The following XRCC4 variants were observed in gnomAD, a reference collection of about 807,000 sequenced individuals.
XRCC4 encodes the protein DNA repair protein XRCC4.
In XRCC4, 28 loss-of-function variants were observed where a neutral mutation model predicts 39.1. The observed-to-expected ratio is 0.72, with a 90% CI of 0.53 to 0.98. The LOEUF is 0.98. XRCC4 is among the 50% of genes least tolerant of loss of function. XRCC4 has a pLI of 0.00. For missense variants in XRCC4, 350 were observed against 376.4 expected, an observed-to-expected ratio of 0.93 and a Z score of 0.58; for synonymous variants, 123 against 126.4, an observed-to-expected ratio of 0.97 and a Z score of 0.18.
intron 6 of XRCC4, among the ~76,000 whole-genome samples, chr5:83,240,603 C>T (rs1752870646): frequency 6.6e-6 from 1 of 152,050 alleles, no homozygotes; most frequent in Admixed American, 6.6e-5. Context: ...ACATATTGAA[C>T]TCTTACTTTG....
chr5:83,209,866 T>C (rs1410706317), intron 6 of XRCC4, among the ~76,000 whole-genome samples: 2 of 152,104 alleles, frequency 1.3e-5, no homozygotes, highest in African/African-American at 2.4e-5. Context: ...AAAACAAATA[T>C]AATAAGCTTT....
chr5:83,356,794 CT>C (rs1460744740), downstream of XRCC4: 2 of 447,858 alleles, frequency 4.5e-6, no homozygotes, highest in Admixed American at 2.4e-5. Flanking sequence ...TGCAGCATGG[CT>C]TTTTTGACCT....
chr5:83,267,028 T>C (rs1043652112), intron 7 of XRCC4, among the ~76,000 whole-genome samples: 2 of 152,196 alleles, frequency 1.3e-5, no homozygotes, highest in African/African-American at 4.8e-5. Context: ...AATATGTATA[T>C]GGCTAACTAT....
chr5:83,286,857 C>T (rs1330643590), intron 7 of XRCC4, among the ~76,000 whole-genome samples: 3 of 151,876 alleles, frequency 2.0e-5, no homozygotes, highest in African/African-American at 4.8e-5. Context: ...CAATAACTGA[C>T]GATGTGCATG....
At chr5:83,309,171 C>T (rs1024387004) in intron 7 of XRCC4, among the ~76,000 whole-genome samples, 1 of 141,492 alleles carries the variant, frequency 7.1e-6, no homozygotes, top group African/African-American at 2.6e-5. Flanking sequence ...CCCAGCTACT[C>T]GGGAGGCTGA....
At chr5:83,142,434 A>G (rs935391630) in intron 3 of XRCC4, among the ~76,000 whole-genome samples, 2 of 152,220 alleles carry the variant, frequency 1.3e-5, no homozygotes, top group Non-Finnish European at 2.9e-5. Flanking sequence ...TATGGGACTA[A>G]TTACAATACT....
intron 1 of XRCC4, among the ~76,000 whole-genome samples, chr5:83,081,434 A>G (rs149923003): frequency 1.2e-3 from 186 of 151,874 alleles, no homozygotes; most frequent in African/African-American, 4.3e-3. Flanking sequence ...CCCTTCCCAC[A>G]TGGCTTTTCA....
the XRCC4 span, among the ~76,000 whole-genome samples, chr5:83,359,879 T>G: frequency 2.0e-5 from 3 of 152,174 alleles, no homozygotes; most frequent in Admixed American, 6.6e-5. Context: ...ATTTTCCTAA[T>G]ATAAATGTTT....
intron 3 of XRCC4, among the ~76,000 whole-genome samples, chr5:83,160,133 T>G (rs1189813927): frequency 6.6e-6 from 1 of 152,178 alleles, no homozygotes; most frequent in Non-Finnish European, 1.5e-5. Context: ...AATTTTGTCC[T>G]TTTTCTTAAA....
intron 7 of XRCC4, chr5:83,310,920 C>T: frequency 4.5e-6 from 2 of 447,252 alleles, no homozygotes; most frequent in Admixed American, 4.9e-5. Flanking sequence ...AAGCTCTAGG[C>T]AGTGGAAAAG....
intron 2 of XRCC4, among the ~76,000 whole-genome samples, chr5:83,110,213 C>T (rs1746379296): frequency 6.6e-6 from 1 of 151,840 alleles, no homozygotes; most frequent in African/African-American, 2.4e-5. Context: ...ACAAGTAAAA[C>T]AAGAATTTTT....
intron 6 of XRCC4, among the ~76,000 whole-genome samples, chr5:83,257,077 T>C (rs1419004240): frequency 6.6e-6 from 1 of 152,122 alleles, no homozygotes; most frequent in African/African-American, 2.4e-5. Context: ...GTGTCCAAGT[T>C]GTCTCGTAGA....
At chr5:83,106,364 A>G (rs1264611914) in intron 2 of XRCC4, among the ~76,000 whole-genome samples, 1 of 152,098 alleles carries the variant, frequency 6.6e-6, no homozygotes, top group Non-Finnish European at 1.5e-5. Flanking sequence ...GCTTGTATGT[A>G]AGGAATACTG....
intron 7 of XRCC4, among the ~76,000 whole-genome samples, chr5:83,308,797 G>A (rs1755578418): frequency 6.6e-6 from 1 of 151,876 alleles, no homozygotes; most frequent in Non-Finnish European, 1.5e-5. Flanking sequence ...TATTTAGATT[G>A]CACAATTATT....
At chr5:83,291,906 T>C (rs1244307127) in intron 7 of XRCC4, among the ~76,000 whole-genome samples, 1 of 151,434 alleles carries the variant, frequency 6.6e-6, no homozygotes, top group Non-Finnish European at 1.5e-5. Context: ...GAGTTATATA[T>C]ATGTTTATAT....
At chr5:83,087,927 T>C (rs984150577) in intron 1 of XRCC4, among the ~76,000 whole-genome samples, 8 of 152,300 alleles carry the variant, frequency 5.3e-5, no homozygotes, top group African/African-American at 1.9e-4. Context: ...AAGTGGAATA[T>C]TTATGCAGGC....
At chr5:83,085,422 A>AATTTGATGTATCTTGTCATTATTTT (rs1745135818) in intron 1 of XRCC4, among the ~76,000 whole-genome samples, 1 of 152,110 alleles carries the variant, frequency 6.6e-6, no homozygotes, top group South Asian at 2.1e-4. Flanking sequence ...GGGAAAATAA[A>AATTTGATGTATCTTGTCATTATTTT]ATTACATCTG....
At chr5:83,149,872 T>A (rs2386241) in intron 3 of XRCC4, among the ~76,000 whole-genome samples, 51,872 of 151,878 alleles carry the variant, frequency 0.34, 9,504 homozygotes, top group Non-Finnish European at 0.41. Context: ...AGTTAGAGAT[T>A]ACTGAGGTTT....
At chr5:83,171,598 G>A (rs1749727761) in intron 3 of XRCC4, among the ~76,000 whole-genome samples, 1 of 152,128 alleles carries the variant, frequency 6.6e-6, no homozygotes, top group South Asian at 2.1e-4. Flanking sequence ...CCCTGAAGAT[G>A]GGAAATGCTC....
Sources: gnomAD v4.1 joint callset for allele counts (sites outside exome capture counted in the v4.1 genomes callset) on GRCh38, gnomAD v4.1.1 for gene constraint, MANE v1.5 for transcripts, NCBI Gene and HGNC (gene_info 2026-07-23, HGNC 2026-07-21) for gene names.